Variants in RNF180 observed in about 807,000 individuals in gnomAD.
RNF180 encodes the protein E3 ubiquitin-protein ligase RNF180.
RNF180 carries 38 observed loss-of-function variants against 59.2 expected under a neutral mutation model. The observed-to-expected ratio is 0.64, with a 90% CI of 0.50 to 0.84. The LOEUF is 0.84. RNF180 is among the 40% of genes least tolerant of loss of function. RNF180 has a pLI of 0.00. For missense variants in RNF180, 705 were observed against 700.9 expected, an observed-to-expected ratio of 1.01 and a Z score of -0.07; for synonymous variants, 262 against 240.3, an observed-to-expected ratio of 1.09 and a Z score of -0.84.
intron 1 of RNF180, among the ~76,000 whole-genome samples, chr5:64,194,510 A>G (rs560505393): frequency 2.6e-5 from 4 of 152,180 alleles, no homozygotes; most frequent in Middle Eastern, 3.4e-3. Context: ...AATCCTTTGG[A>G]TATATACCCA....
At position 64,205,976 on chromosome 5, in the gene RNF180, G is replaced by GA. The variant is rs1041395241; in HGVS notation, c.135+5043dup. On this transcript the variant is annotated intron_variant, in intron 2 of 7. Coordinates refer to ENST00000389100, the MANE Select transcript of RNF180 (RefSeq NM_001113561.2). ...AAGTCAAGGGACGAACATTCTCTAG[G>GA]AAAAAAAAAGTGTTGATGATTCGTG... Among the ~76,000 whole-genome samples, 535 of 151,242 alleles carry GA rather than the reference G, an allele frequency of 3.5e-3. 3 individuals are homozygous for GA. The highest frequency in any genetic ancestry group is 0.012 in the African/African-American group (480 of 41,278).
At chr5:64,360,111 T>G (rs756413988) in intron 7 of RNF180, among the ~76,000 whole-genome samples, 11 of 151,998 alleles carry the variant, frequency 7.2e-5, no homozygotes, top group South Asian at 2.1e-4. Context: ...TTGACTTGGT[T>G]ATGCGGGCTC....
chr5:64,297,018 T>C (rs1253297578), intron 5 of RNF180, among the ~76,000 whole-genome samples: 2 of 152,154 alleles, frequency 1.3e-5, no homozygotes, highest in Middle Eastern at 3.4e-3. Flanking sequence ...TATGACAAAA[T>C]GTAGCCAGAT....
intron 5 of RNF180, among the ~76,000 whole-genome samples, chr5:64,253,140 A>G (rs957301067): frequency 1.3e-5 from 2 of 152,184 alleles, no homozygotes; most frequent in African/African-American, 2.4e-5. Context: ...TAAATAAACA[A>G]ATTACGTCCC....
At chr5:64,200,535 A>G (rs1751689414) in intron 1 of RNF180, among the ~76,000 whole-genome samples, 1 of 152,204 alleles carries the variant, frequency 6.6e-6, no homozygotes, top group African/African-American at 2.4e-5. Flanking sequence ...TTAGTGAGAG[A>G]CAAATGAAAA....
At chr5:64,219,932 C>G (rs1326364020) in intron 5 of RNF180, among the ~76,000 whole-genome samples, 1 of 152,158 alleles carries the variant, frequency 6.6e-6, no homozygotes, top group Non-Finnish European at 1.5e-5. Flanking sequence ...TTAATAATTA[C>G]AGGACAATCC....
At chr5:64,176,843 A>G (rs1159972049) in intron 1 of RNF180, among the ~76,000 whole-genome samples, 1 of 152,206 alleles carries the variant, frequency 6.6e-6, no homozygotes, top group Non-Finnish European at 1.5e-5. Context: ...AGAATTGCCT[A>G]GCCTATTCAG....
At chr5:64,339,975 G>C (rs889491311) in intron 7 of RNF180, among the ~76,000 whole-genome samples, 1 of 152,106 alleles carries the variant, frequency 6.6e-6, no homozygotes, top group African/African-American at 2.4e-5. Flanking sequence ...TCTCTTATCA[G>C]ATACTAGTTG....
In RNF180 at chr5:64,311,273, T is replaced by C. The variant is rs1039055885; in HGVS notation, c.1228-13913T>C. Among the ~76,000 whole-genome samples, 11 of 152,150 alleles carry C rather than the reference T, an allele frequency of 7.2e-5. No homozygotes were observed. In the East Asian group the frequency reaches 2.1e-3, roughly 29 times the overall value. ...TCTTTGGGATAGAGGAAGTAAGTTA[T>C]GGTTGATATAGTTCAAACTAAATAC... On this transcript the variant is annotated intron_variant, in intron 5 of 7. Transcript: ENST00000389100.
At position 64,213,594 on chromosome 5, in the gene RNF180, TG is replaced by T. The variant is rs1259352421; in HGVS notation, c.269del (p.Cys90LeufsTer5). 4 of 1,613,936 alleles carry T rather than the reference TG, an allele frequency of 2.5e-6. No individual in the cohort carries two copies. The highest frequency in any genetic ancestry group is 3.4e-6 in the Non-Finnish European group (4 of 1,179,902). On this transcript the variant is annotated frameshift_variant, in exon 4 of 8. Coordinates refer to ENST00000389100, the MANE Select transcript of RNF180 (RefSeq NM_001113561.2). LOFTEE classifies it high-confidence loss of function. ...AGTTGGAAAACTGAATTGTCCTTTCTGTGGGGCCCGTTTAGGGGGCTTTAAT... is the reference window on the plus strand; with the variant it reads ...AGTTGGAAAACTGAATTGTCCTTTCTTGGGGCCCGTTTAGGGGGCTTTAAT... ...WTVGKLNCPF[C>X]GARLGGFNFV...
chr5:64,169,858 C>T (rs560088046), intron 1 of RNF180, among the ~76,000 whole-genome samples: 70 of 152,180 alleles, frequency 4.6e-4, no homozygotes, highest in Admixed American at 1.2e-3. Flanking sequence ...GGCTATTTCG[C>T]GGGATAAATT....
At chr5:64,351,601 T>C (rs1308123932) in intron 7 of RNF180, among the ~76,000 whole-genome samples, 2 of 151,680 alleles carry the variant, frequency 1.3e-5, no homozygotes, top group Admixed American at 1.3e-4. Context: ...TTATTGAGAG[T>C]TTTTAGCATG....
chr5:64,256,435 C>G (rs1468287792), intron 5 of RNF180, among the ~76,000 whole-genome samples: 1 of 152,162 alleles, frequency 6.6e-6, no homozygotes, highest in Non-Finnish European at 1.5e-5. Context: ...GCCAGTTTCC[C>G]CAGCACCATT....
chr5:64,259,332 G>A (rs1744177556), intron 5 of RNF180, among the ~76,000 whole-genome samples: 2 of 152,124 alleles, frequency 1.3e-5, no homozygotes, highest in South Asian at 4.1e-4. Context: ...GAATGATTTG[G>A]AAAGAGCAAA....
chr5:64,216,517 T>C (rs914208882), intron 4 of RNF180, among the ~76,000 whole-genome samples: 10 of 152,208 alleles, frequency 6.6e-5, no homozygotes, highest in African/African-American at 2.4e-4. Context: ...TGATAGTTTT[T>C]TAAAAATTTA....
intron 5 of RNF180, among the ~76,000 whole-genome samples, chr5:64,315,747 A>G (rs2112493195): frequency 6.6e-6 from 1 of 152,178 alleles, no homozygotes; most frequent in Non-Finnish European, 1.5e-5. Flanking sequence ...AAAAAAAAAA[A>G]AAAAAAAGAT....
Position 64,296,534 on chromosome 5 carries a change from A to T in RNF180, c.1228-28652A>T, listed in dbSNP as rs144971025. Among the ~76,000 whole-genome samples the T allele has an allele frequency of 2.3e-3, 357 of 152,262 alleles. 1 individual carries two copies. Among genetic ancestry groups the T allele is most frequent in the African/African-American group, 8.4e-3 (350 of 41,560 alleles). ...TCTGAAGTTTTGTGCAATACAGCAT[A>T]TATAGAAACTATGTGCATTTTTCTA... On this transcript the variant is annotated intron_variant, in intron 5 of 7. Transcript: ENST00000389100.
chr5:64,242,975 A>G (rs1035907818), intron 5 of RNF180, among the ~76,000 whole-genome samples: 6 of 152,194 alleles, frequency 3.9e-5, no homozygotes, highest in Admixed American at 3.9e-4. Context: ...CTCACCTGAG[A>G]AGCACAAAGG....
chr5:64,181,102 G>C (rs193098623), intron 1 of RNF180, among the ~76,000 whole-genome samples: 1 of 152,176 alleles, frequency 6.6e-6, no homozygotes, highest in South Asian at 2.1e-4. Context: ...AAAAATGAAG[G>C]CTGGATGACT....
Sources: gnomAD v4.1 joint callset for allele counts (sites outside exome capture counted in the v4.1 genomes callset) on GRCh38, gnomAD v4.1.1 for gene constraint, MANE v1.5 for transcripts, NCBI Gene and HGNC (gene_info 2026-07-23, HGNC 2026-07-21) for gene names.